USP2: variants seen among roughly 807,000 people sequenced by gnomAD.
USP2 encodes ubiquitin carboxyl-terminal hydrolase 2.
Under a neutral mutation model 72.0 loss-of-function variants are expected in USP2, and 33 were observed. The ratio of observed to expected loss-of-function variants is 0.46; its 90% CI spans 0.35 to 0.61. The LOEUF is 0.61. Ranked by LOEUF, USP2 falls within the 20% of genes least tolerant of loss-of-function variation. The pLI, the probability that USP2 is intolerant of heterozygous loss-of-function variation, is 0.01. For synonymous variants in USP2, 296 were observed against 312.5 expected (o/e 0.95, Z 0.56); for missense variants, 691 against 797.8 (o/e 0.87, Z 1.61).
chr11:119,374,905 T>C (rs1950980639), intron 1 of USP2, among the ~76,000 whole-genome samples: 1 of 152,108 alleles, frequency 6.6e-6, no homozygotes, highest in South Asian at 2.1e-4. Context: ...ACCATCATCC[T>C]CATAATTCCT....
At chr11:119,362,275 T>G (rs1464912386) in intron 2 of USP2, among the ~76,000 whole-genome samples, 1 of 152,146 alleles carries the variant, frequency 6.6e-6, no homozygotes, top group Non-Finnish European at 1.5e-5. Flanking sequence ...GACACTTAAT[T>G]CTGACCCAGC....
At position 119,372,930 on chromosome 11, in the gene USP2, C is replaced by T; in HGVS notation, c.551G>A (p.Gly184Glu). Residue 184 changes from glycine to glutamate, a missense_variant, in exon 2 of 13, where the codon GGG (glycine) becomes GAG (glutamate). Gly to Glu is a moderately conservative substitution (Grantham distance 98). Transcript: ENST00000260187. ...AGGGCAGCTGGCTGTCTGGTAGAGC[C>T]CCTGCAGGGTGCAGAGCTCCTTGCG... is the stretch of plus-strand genomic sequence containing the variant. ...RTRKELCTLQ[G>E]LYQTASCPEY... is the part of the protein sequence containing the mutation. 6.2e-7 allele frequency: 1 copy of T among 1,613,500 alleles called. No homozygotes were observed. The highest frequency in any genetic ancestry group is 8.5e-7 in the Non-Finnish European group (1 of 1,179,958).
intron 2 of USP2, among the ~76,000 whole-genome samples, chr11:119,360,685 A>G (rs1393359152): frequency 6.6e-6 from 1 of 152,150 alleles, no homozygotes; most frequent in East Asian, 1.9e-4. Flanking sequence ...TCAGCTTCCC[A>G]AAGTGCTGGG....
intron 12 of USP2, 47 bp downstream of exon 12, chr11:119,357,140 G>C: frequency 6.2e-7 from 1 of 1,604,574 alleles, no homozygotes; most frequent in Non-Finnish European, 8.5e-7. Flanking sequence ...AGTGGGGGGA[G>C]AGTGGGTGGC....
intron 3 of USP2, 123 bp downstream of exon 3, chr11:119,360,061 C>T: frequency 4.1e-6 from 5 of 1,225,906 alleles, no homozygotes; most frequent in Non-Finnish European, 4.6e-6. Context: ...CCAGGAAGGG[C>T]AAGTGCCAAC....
intron 12 of USP2, 64 bp from the exon 13 acceptor site, chr11:119,356,986 T>A: frequency 6.5e-7 from 1 of 1,528,544 alleles, no homozygotes; most frequent in East Asian, 2.5e-5. Flanking sequence ...GCCGGCTTCT[T>A]TCTGTGCCCC....
chr11:119,379,232 G>T, intron 1 of USP2: 2 of 985,528 alleles, frequency 2.0e-6, no homozygotes, highest in Non-Finnish European at 2.4e-6. Context: ...AAGGGGCAGT[G>T]GCGTGCTCAC....
rs140032525 is a variant in USP2 at position 119,368,719 on chromosome 11, C to T, written c.774+3988G>A. Among the ~76,000 whole-genome samples the T allele has an allele frequency of 5.9e-4, 90 of 152,364 alleles. 1 individual carries two copies. Among genetic ancestry groups the T allele is most frequent in the African/African-American group, 2.1e-3 (86 of 41,584 alleles). Reference sequence around the variant, plus strand: ...GGGTGAGAATAGGCTGGGCCAGACTCTGAGCCTCAGCCCTGGCTCTGCCTC... The same window carrying T: ...GGGTGAGAATAGGCTGGGCCAGACTTTGAGCCTCAGCCCTGGCTCTGCCTC... On this transcript the variant is annotated intron_variant, in intron 2 of 12. Coordinates refer to ENST00000260187, the MANE Select transcript of USP2 (RefSeq NM_004205.5).
At position 119,372,967 on chromosome 11, in the gene USP2, G is replaced by T; in HGVS notation, c.514C>A (p.Leu172Met). The change falls in exon 2 of 13, where the codon CTG (leucine) becomes ATG (methionine). Residue 172 changes from leucine to methionine, a missense_variant. Transcript: ENST00000260187. ...DPRNLGRSPM[L>M]ARTRKELCTL... ...CAGAGCTCCTTGCGCGTCCGGGCCA[G>T]CATGGGGCTGCGGCCCAGGTTCCTG... is the stretch of plus-strand genomic sequence containing the variant. The T allele has an allele frequency of 6.2e-7, 1 of 1,613,816 alleles. No homozygotes were observed. The highest frequency in any genetic ancestry group is 8.5e-7 in the Non-Finnish European group (1 of 1,180,024).
rs1591332897 is a variant in USP2, at chr11:119,373,177, G to T, written c.304C>A (p.Pro102Thr). The T allele has an allele frequency of 2.5e-6, 4 of 1,614,134 alleles. No individual in the cohort carries two copies. The East Asian group carries it at 8.9e-5, about 36-fold the overall frequency. ...AESQTRGTER[P>T]LGSGLSGGSG... Reference sequence around the variant, plus strand: ...CCCCCGCTGAGGCCACTGCCTAAAGGCCGCTCAGTACCCCGGGTCTGGCTC... The same window carrying T: ...CCCCCGCTGAGGCCACTGCCTAAAGTCCGCTCAGTACCCCGGGTCTGGCTC... Residue 102 changes from proline (P) to threonine (T), a missense_variant, in exon 2 of 13, where the codon CCT becomes ACT. By Grantham distance (38) the Pro-to-Thr change is conservative. Coordinates refer to ENST00000260187, the MANE Select transcript of USP2 (RefSeq NM_004205.5).
At chr11:119,373,976 G>A (rs1384617044) in intron 1 of USP2, among the ~76,000 whole-genome samples, 3 of 152,202 alleles carry the variant, frequency 2.0e-5, no homozygotes, top group South Asian at 4.1e-4. Context: ...CTTATGTGAT[G>A]AGCAGGTGTC....
intron 1 of USP2, chr11:119,379,009 G>C (rs765654571): frequency 5.1e-6 from 5 of 985,398 alleles, no homozygotes; most frequent in Non-Finnish European, 6.0e-6. Flanking sequence ...CTACTGACCT[G>C]TGTCCAGGGG....
chr11:119,356,880 G>A lies in USP2; in HGVS notation c.1773C>T (p.Ala591=), dbSNP rs1285743032. ...MSSSQVRTSD[A]YLLFYELASP... ...TGGCCAGTTCGTAGAAGAGCAGGTA[G>A]GCGTCGCTGGTGCGCACTTGGCTGG... The change falls in exon 13 of 13, where the codon GCC becomes GCT. Residue 591 remains alanine, a synonymous_variant. Transcript: ENST00000260187. The A allele has an allele frequency of 1.9e-6, 3 of 1,565,258 alleles. No individual in the cohort carries two copies. Among genetic ancestry groups the A allele is most frequent in the Non-Finnish European group, 2.6e-6 (3 of 1,155,382 alleles).
chr11:119,360,427 C>A, intron 2 of USP2, 193 bp from the exon 3 acceptor site: 2 of 572,288 alleles, frequency 3.5e-6, no homozygotes, highest in East Asian at 3.6e-5. Flanking sequence ...CTTTTCTTTT[C>A]TTTTTTTTTT....
chr11:119,361,609 TGG>T (rs367596823), intron 2 of USP2, among the ~76,000 whole-genome samples: 1 of 110,358 alleles, frequency 9.1e-6, no homozygotes, highest in South Asian at 3.3e-4. Context: ...GGTTGTCAGC[TGG>T]GGGGGAGGGG....
At position 119,377,807 on chromosome 11, in the gene USP2, C is replaced by T. The variant is rs45585531; in HGVS notation, c.-42+3666G>A. 9.1e-3 allele frequency among the ~76,000 whole-genome samples: 1,382 copies of T among 152,280 alleles called. 5 individuals are homozygous for T. The highest frequency in any genetic ancestry group is 0.013 in the Non-Finnish European group (889 of 68,026). ...CACATGAAGGGCTCCCTAACCTGCC[C>T]AGCCAGGGGAGGGACTTGCTCCCCA... On this transcript the variant is annotated intron_variant, in intron 1 of 12. Coordinates refer to ENST00000260187, the MANE Select transcript of USP2 (RefSeq NM_004205.5).
At chr11:119,377,343 C>T (rs752307077) in intron 1 of USP2, among the ~76,000 whole-genome samples, 5 of 152,276 alleles carry the variant, frequency 3.3e-5, no homozygotes, top group Non-Finnish European at 7.4e-5. Flanking sequence ...CTCCATGGGA[C>T]GGGTCAGGAC....
At chr11:119,363,523 C>A (rs1950799118) in intron 2 of USP2, among the ~76,000 whole-genome samples, 6 of 151,968 alleles carry the variant, frequency 3.9e-5, no homozygotes, top group Admixed American at 3.9e-4. Flanking sequence ...GCACACCGAT[C>A]GAGACCCAGT....
At chr11:119,370,627 G>T (rs1565311001) in intron 2 of USP2, among the ~76,000 whole-genome samples, 1 of 152,212 alleles carries the variant, frequency 6.6e-6, no homozygotes, top group Non-Finnish European at 1.5e-5. Flanking sequence ...AGAGATCAGG[G>T]TGAGGTTAAA....
Sources: gnomAD v4.1 joint callset for allele counts (sites outside exome capture counted in the v4.1 genomes callset) on GRCh38, gnomAD v4.1.1 for gene constraint, MANE v1.5 for transcripts, NCBI Gene and HGNC (gene_info 2026-07-23, HGNC 2026-07-21) for gene names.